DPP10: variants seen among roughly 807,000 people sequenced by gnomAD.
DPP10 encodes the protein inactive dipeptidyl peptidase 10.
In DPP10, 33 loss-of-function variants were observed where a neutral mutation model predicts 120.9. The observed-to-expected ratio is 0.27, with a 90% CI of 0.21 to 0.37. The LOEUF is 0.37. Among genes scored for constraint, DPP10 ranks in the 10% least tolerant of loss-of-function variants. The pLI, the probability that DPP10 is intolerant of heterozygous loss-of-function variation, is 1.00. For synonymous variants in DPP10, 337 were observed against 326.1 expected (o/e 1.03, Z -0.36); for missense variants, 816 against 942.8 (o/e 0.87, Z 1.76).
chr2:115,169,492 A>G (rs920382907), intron 1 of DPP10, among the ~76,000 whole-genome samples: 11 of 152,116 alleles, frequency 7.2e-5, no homozygotes, highest in African/African-American at 2.4e-4. Flanking sequence ...TTTTATAGGT[A>G]GATTATTATA....
At chr2:115,081,781 A>G (rs1271322851) in intron 1 of DPP10, among the ~76,000 whole-genome samples, 1 of 152,238 alleles carries the variant, frequency 6.6e-6, no homozygotes, top group African/African-American at 2.4e-5. Context: ...GTGGTACAGA[A>G]AATACATGAC....
At chr2:114,604,023 C>T (rs927739187) in intron 1 of DPP10, among the ~76,000 whole-genome samples, 23 of 152,116 alleles carry the variant, frequency 1.5e-4, no homozygotes, top group African/African-American at 5.5e-4. Context: ...GAGTCATCCT[C>T]CGGTGGGGTC....
At chr2:114,984,639 A>G (rs1700288380) in intron 1 of DPP10, among the ~76,000 whole-genome samples, 1 of 152,204 alleles carries the variant, frequency 6.6e-6, no homozygotes, top group Non-Finnish European at 1.5e-5. Context: ...AAATAAATAA[A>G]TAAAACAGGA....
At chr2:115,300,351 C>T (rs998589052) in intron 1 of DPP10, among the ~76,000 whole-genome samples, 2 of 152,020 alleles carry the variant, frequency 1.3e-5, no homozygotes, top group Non-Finnish European at 2.9e-5. Flanking sequence ...GGCTTTATTC[C>T]CCTTAACACA....
intron 1 of DPP10, among the ~76,000 whole-genome samples, chr2:114,932,585 C>T (rs1416487471): frequency 1.3e-5 from 2 of 152,088 alleles, no homozygotes; most frequent in African/African-American, 4.8e-5. Context: ...TATTTATATA[C>T]AGTTCCCAGA....
intron 1 of DPP10, among the ~76,000 whole-genome samples, chr2:114,680,901 A>G (rs960748485): frequency 1.3e-5 from 2 of 151,992 alleles, no homozygotes; most frequent in African/African-American, 2.4e-5. Context: ...GATGATTTTG[A>G]CTATTACCTG....
Position 114,581,333 on chromosome 2 carries a change from A to G in DPP10, c.60+138495A>G, listed in dbSNP as rs548857400. Among the ~76,000 whole-genome samples, 71 of 150,904 alleles carry G rather than the reference A, an allele frequency of 4.7e-4. No homozygotes were observed. The East Asian group carries it at 8.0e-3, about 17-fold the overall frequency. Reference sequence around the variant, plus strand: ...CGAGTAGCTGGGACTACAGGTGCCCACCACCACGCCTGGCTAACTTTTTGT... The same window carrying G: ...CGAGTAGCTGGGACTACAGGTGCCCGCCACCACGCCTGGCTAACTTTTTGT... On this transcript the variant is annotated intron_variant, in intron 1 of 25. Coordinates refer to ENST00000410059, the MANE Select transcript of DPP10 (RefSeq NM_020868.6).
At chr2:114,661,278 T>G (rs1280892686) in intron 1 of DPP10, among the ~76,000 whole-genome samples, 1 of 152,218 alleles carries the variant, frequency 6.6e-6, no homozygotes, top group African/African-American at 2.4e-5. Flanking sequence ...ATGCTTGACT[T>G]GACATTTGAA....
chr2:115,153,514 A>G (rs1377933068), intron 1 of DPP10, among the ~76,000 whole-genome samples: 1 of 152,172 alleles, frequency 6.6e-6, no homozygotes, highest in Non-Finnish European at 1.5e-5. Flanking sequence ...GGGCACCCAC[A>G]CTGTGTGGCT....
chr2:115,083,618 G>C (rs1191841792), intron 1 of DPP10, among the ~76,000 whole-genome samples: 1 of 151,902 alleles, frequency 6.6e-6, no homozygotes, highest in Non-Finnish European at 1.5e-5. Context: ...ATCCTTAGCT[G>C]TAGTTTGTTT....
Position 114,857,042 on chromosome 2 carries a change from T to C in DPP10, c.60+414204T>C, listed in dbSNP as rs72961654. ...AGAGTCAGAAAAAAAAAGATGTAAC[T>C]GAGAATCAGAGGTAACAGTTCAGAT... is the stretch of plus-strand genomic sequence containing the variant. On this transcript the variant is annotated intron_variant, in intron 1 of 25. Coordinates refer to ENST00000410059, the MANE Select transcript of DPP10 (RefSeq NM_020868.6). Among the ~76,000 whole-genome samples, 324 of 152,226 alleles carry C rather than the reference T, an allele frequency of 2.1e-3. 1 individual carries two copies. The highest frequency in any genetic ancestry group is 7.1e-3 in the African/African-American group (293 of 41,550).
chr2:114,675,175 C>T (rs950861154), intron 1 of DPP10, among the ~76,000 whole-genome samples: 18 of 152,140 alleles, frequency 1.2e-4, no homozygotes, highest in Admixed American at 5.2e-4. Flanking sequence ...ACTGGTCTAA[C>T]TCTGCCAGGA....
chr2:115,541,175 T>C (rs1472671468), intron 5 of DPP10, among the ~76,000 whole-genome samples: 1 of 151,968 alleles, frequency 6.6e-6, no homozygotes, highest in African/African-American at 2.4e-5. Flanking sequence ...GTTATTCACT[T>C]ATAAAATGAA....
At chr2:114,448,736 A>G (rs1678087244) in intron 1 of DPP10, among the ~76,000 whole-genome samples, 1 of 152,174 alleles carries the variant, frequency 6.6e-6, no homozygotes, top group South Asian at 2.1e-4. Flanking sequence ...ACAGCTTCAG[A>G]ATGATACTTA....
chr2:115,628,896 A>G (rs572199193), intron 5 of DPP10, among the ~76,000 whole-genome samples: 4 of 151,902 alleles, frequency 2.6e-5, no homozygotes, highest in African/African-American at 7.2e-5. Context: ...TACATGTGCC[A>G]TGTTGGTGTG....
At chr2:114,908,565 A>G (rs2106635182) in intron 1 of DPP10, among the ~76,000 whole-genome samples, 1 of 151,954 alleles carries the variant, frequency 6.6e-6, no homozygotes, top group South Asian at 2.1e-4. Flanking sequence ...AATCTTATAA[A>G]GCTCTATTCC....
chr2:114,942,304 T>C (rs997218794), intron 1 of DPP10, among the ~76,000 whole-genome samples: 2 of 121,678 alleles, frequency 1.6e-5, no homozygotes, highest in Middle Eastern at 3.5e-3. Context: ...TATACATATA[T>C]ATATATATAT....
At chr2:115,583,600 C>T (rs1273916759) in intron 5 of DPP10, among the ~76,000 whole-genome samples, 2 of 152,100 alleles carry the variant, frequency 1.3e-5, no homozygotes. Context: ...TATCTCAGGG[C>T]TCCCATAGAG....
At chr2:114,944,113 G>T (rs999614151) in intron 1 of DPP10, among the ~76,000 whole-genome samples, 1 of 152,010 alleles carries the variant, frequency 6.6e-6, no homozygotes, top group Admixed American at 6.6e-5. Context: ...TTCAGGAGTA[G>T]GATACTTTGA....
Sources: allele counts gnomAD v4.1 joint callset (sites outside exome capture counted in the v4.1 genomes callset), GRCh38; gene constraint gnomAD v4.1.1; transcripts MANE v1.5; gene names NCBI Gene and HGNC (gene_info 2026-07-23, HGNC 2026-07-21).